The following OBSL1 variants were observed in gnomAD, a reference collection of about 807,000 sequenced individuals.
The protein encoded by OBSL1 is obscurin-like protein 1.
Under a neutral mutation model 172.0 loss-of-function variants are expected in OBSL1, and 160 were observed. That is an observed-to-expected ratio of 0.93 (90% CI 0.82 to 1.06). The LOEUF (loss-of-function observed/expected upper bound fraction) is 1.06, where lower values mean the gene tolerates loss of function less well. Among genes scored for constraint, OBSL1 ranks in the 50% least tolerant of loss-of-function variants. OBSL1 has a pLI of 0.00. For missense variants in OBSL1, 2,681 were observed against 2,715.4 expected (o/e 0.99, Z 0.28); for synonymous variants, 1,200 against 1,196.3 (o/e 1.00, Z -0.06).
intron 1 of OBSL1, chr2:219,569,410 T>C (rs372700297): frequency 6.6e-6 from 1 of 152,264 alleles, no homozygotes; most frequent in African/African-American, 2.4e-5. Context: ...TCTTTTGCGT[T>C]GTGATGAAAT....
At chr2:219,562,363 C>A in intron 8 of OBSL1, 39 bp downstream of exon 8, 1 of 1,600,604 alleles carries the variant, frequency 6.2e-7, no homozygotes, top group Non-Finnish European at 8.5e-7. Flanking sequence ...GGGCTCAGGG[C>A]TGTCTCTGTG....
Position 219,570,999 on chromosome 2 carries a change from G to T in OBSL1, c.234C>A (p.Asp78Glu), listed in dbSNP as rs1208983137. The part of the protein sequence containing the change: ...GLLLTAALPT[D>E]AGVYVCRARN... ...GGGCGCGGCACACGTAGACCCCCGC[G>T]TCGGTGGGCAGTGCGGCGGTCAGCA... is the stretch of plus-strand genomic sequence containing the variant. The change falls in exon 1 of 21, where the codon GAC (aspartate) becomes GAA (glutamate). Residue 78 changes from aspartate (D) to glutamate (E), a missense_variant. By Grantham distance (45) the Asp-to-Glu change is conservative (BLOSUM62 2). Around this residue, in one of 5 missense-constraint regions of OBSL1, gnomAD observed 67 missense variants for 109.3 expected, o/e 0.61. Transcript: ENST00000404537. 2 of 1,407,118 alleles carry T rather than the reference G, an allele frequency of 1.4e-6. No individual in the cohort carries two copies. The highest frequency in any genetic ancestry group is 1.5e-5 in the South Asian group (1 of 67,448). 87.2% of individuals were successfully genotyped at this position (1,407,118 alleles called of 1,614,324 possible).
Position 219,552,554 on chromosome 2 carries a change from C to G in OBSL1, c.5290G>C (p.Val1764Leu). The G allele has an allele frequency of 6.3e-7, 1 of 1,596,336 alleles. No individual in the cohort carries two copies. The highest frequency in any genetic ancestry group is 8.5e-7 in the Non-Finnish European group (1 of 1,177,628). The change falls in exon 18 of 21, where the codon GTC becomes CTC. Residue 1764 changes from valine to leucine, a missense_variant. Physicochemically the swap from Val to Leu is conservative, Grantham distance 32. This residue lies in a region of OBSL1 where 1,765 missense variants were observed against 1,748.3 expected (regional missense o/e 1.01). Coordinates refer to ENST00000404537, the MANE Select transcript of OBSL1 (RefSeq NM_015311.3). The part of the protein sequence containing the change: ...GGRPLRPGAR[V>L]RIRQEGKKHI... ...GGCAGACCTTCCTGTCGGATGCGGACGCGGGCTCCGGGTCTCAGCGGGCGG... is the reference window on the plus strand; with the variant it reads ...GGCAGACCTTCCTGTCGGATGCGGAGGCGGGCTCCGGGTCTCAGCGGGCGG...
chr2:219,556,883 C>T, intron 12 of OBSL1, 160 bp from the exon 13 acceptor site: 2 of 754,678 alleles, frequency 2.7e-6, no homozygotes, highest in Non-Finnish European at 4.2e-6. Flanking sequence ...GGACAAGATG[C>T]CAGCTCCCTG....
chr2:219,552,702 G>C lies in OBSL1; in HGVS notation c.5147-5C>G. On this transcript the variant is annotated splice_region_variant and splice_polypyrimidine_tract_variant and intron_variant, in intron 17 of 20. Transcript: ENST00000404537. The stretch of plus-strand genomic sequence containing the variant: ...AGAGTACCGCCACAGTACGCTCTGG[G>C]GCGGAGCCCGGGGCGTGAGCGGGGC... The C allele has an allele frequency of 6.6e-7, 1 of 1,520,836 alleles. No individual in the cohort carries two copies. The highest frequency in any genetic ancestry group is 8.8e-7 in the Non-Finnish European group (1 of 1,133,608). The allele number at this position is 1,520,836 out of a possible 1,614,324, so 94.2% of individuals were successfully genotyped here.
intron 5 of OBSL1, 138 bp from the exon 6 acceptor site, chr2:219,565,652 T>G (rs1475020724): frequency 6.3e-6 from 5 of 793,676 alleles, no homozygotes; most frequent in Non-Finnish European, 9.8e-6. Context: ...TTAAGAGCAG[T>G]GCTTTGGCTG....
Position 219,567,870 on chromosome 2 carries a change from C to T in OBSL1, c.1382G>A (p.Trp461Ter). Residue 461 changes from tryptophan to a stop codon, truncating the protein, a stop_gained, in exon 3 of 21, where the codon TGG becomes TAG. Transcript: ENST00000404537. LOFTEE classifies it high-confidence loss of function. ...ETLEAGVEGR[W>*]SRDGEELPVI... is the part of the protein sequence containing the mutation. ...CGGCAGCTCCTCCCCATCACGGCTC[C>T]AGCGTCCCTCGACCCCGGCCTCTAG... The T allele has an allele frequency of 6.2e-7, 1 of 1,613,960 alleles. No homozygotes were observed. The highest frequency in any genetic ancestry group is 2.2e-5 in the East Asian group (1 of 44,890).
At chr2:219,547,493 T>C (rs370911258), downstream of OBSL1, 21 of 1,416,552 alleles carry the variant, frequency 1.5e-5, no homozygotes, top group African/African-American at 1.9e-4. Context: ...CACTAGCCCC[T>C]GTTCCCCTCC....
rs1559156464 is a variant in OBSL1 at position 219,568,344 on chromosome 2, A to AT, written c.1013-21_1013-20insA. ...GGGGCTCTGTGGAGAGGGGAGAGAG[A>AT]GACAAGAGAGGGCTCTGGAGAAGGC... On this transcript the variant is annotated intron_variant, in intron 1 of 20. Coordinates refer to ENST00000404537, the MANE Select transcript of OBSL1 (RefSeq NM_015311.3). This position sits in a 1 kb window ranked among gnomAD's most constrained non-coding sequence, Gnocchi z 4.1. 1 of 1,586,906 alleles carries AT rather than the reference A, an allele frequency of 6.3e-7. No homozygotes were observed. Among genetic ancestry groups the AT allele is most frequent in the South Asian group, 1.1e-5 (1 of 88,290 alleles).
At position 219,558,283 on chromosome 2, in the gene OBSL1, TG is replaced by T. The variant is rs1449351602; in HGVS notation, c.3402del (p.Thr1135ProfsTer4). The part of the protein sequence containing the change: ...SDALQLGAEG[P>X]TRTLTLPHAQ... ...GCGTGGGGCAGGGTCAGGGTGCGGGTGGGCCCCTCGGCACCCAGCTGCAGGG... is the reference window on the plus strand; with the variant it reads ...GCGTGGGGCAGGGTCAGGGTGCGGGTGGCCCCTCGGCACCCAGCTGCAGGG... On this transcript the variant is annotated frameshift_variant, in exon 10 of 21. Transcript: ENST00000404537. LOFTEE classifies it high-confidence loss of function. 13 of 1,611,440 alleles carry T rather than the reference TG, an allele frequency of 8.1e-6. No individual in the cohort carries two copies.
chr2:219,551,406 C>CTCCT, intron 20 of OBSL1, 123 bp downstream of exon 20: 6 of 1,374,120 alleles, frequency 4.4e-6, no homozygotes, highest in Non-Finnish European at 5.8e-6. Context: ...CCATCCCCAC[C>CTCCT]TCCTACGTAT....
In OBSL1 at chr2:219,554,626, C is replaced by G. The variant is rs756020632; in HGVS notation, c.4724G>C (p.Gly1575Ala). The change falls in exon 15 of 21, where the codon GGT becomes GCT. Residue 1575 changes from glycine to alanine, a missense_variant. Coordinates refer to ENST00000404537, the MANE Select transcript of OBSL1 (RefSeq NM_015311.3). ...GGGTCCTGGATACAGCTGTACTCCA[C>G]CCCGGGCCCACTCCCCGGTCACACC... is the stretch of plus-strand genomic sequence containing the variant. ...QEGVTGEWAR[G>A]GVQLYPGPKC... The G allele has an allele frequency of 6.2e-7, 1 of 1,611,768 alleles. No homozygotes were observed. The highest frequency in any genetic ancestry group is 8.5e-7 in the Non-Finnish European group (1 of 1,178,940).
intron 12 of OBSL1, 167 bp from the exon 13 acceptor site, chr2:219,556,890 C>T: frequency 1.4e-6 from 1 of 702,808 alleles, no homozygotes. Context: ...ATGCCAGCTC[C>T]CTGCCACTCC....
rs756996265 is a variant in OBSL1 at position 219,568,142 on chromosome 2, T to C, written c.1195A>G (p.Ile399Val). ...IEEGTVRRLIIHRLKADDDGI... is the reference protein window; with the variant it reads ...IEEGTVRRLIVHRLKADDDGI... ...TCATCGTCTGCCTTCAGCCTGTGGA[T>C]GATGAGGCGCCGGACAGTGCCCTCT... Residue 399 changes from isoleucine to valine, a missense_variant, in exon 2 of 21, where the codon ATC becomes GTC. Physicochemically the swap from Ile to Val is conservative, Grantham distance 29. Around this residue, in one of 5 missense-constraint regions of OBSL1, gnomAD observed 706 missense variants for 695.8 expected, o/e 1.01. Coordinates refer to ENST00000404537, the MANE Select transcript of OBSL1 (RefSeq NM_015311.3). The surrounding 1 kb of genome is among the most constrained non-coding windows in gnomAD (Gnocchi z 4.1). The C allele has an allele frequency of 6.2e-5, 100 of 1,613,724 alleles. 2 individuals carry two copies. In the East Asian group the frequency reaches 2.2e-3, roughly 36 times the overall value.
In OBSL1 at chr2:219,570,692, G is replaced by C; in HGVS notation, c.541C>G (p.Pro181Ala). Reference sequence around the variant, plus strand: ...CCGGGGCCGTCCTCGGCGCGGCCCGGCTGGAGCGCGAAGTGGCTGCTGTCC... The same window carrying C: ...CCGGGGCCGTCCTCGGCGCGGCCCGCCTGGAGCGCGAAGTGGCTGCTGTCC... ...VWDSSHFALQ[P>A]GRAEDGPGAS... The change falls in exon 1 of 21, where the codon CCG (proline) becomes GCG (alanine). Residue 181 changes from proline to alanine, a missense_variant. This residue lies in a region of OBSL1 where 706 missense variants were observed against 695.8 expected (regional missense o/e 1.01). Coordinates refer to ENST00000404537, the MANE Select transcript of OBSL1 (RefSeq NM_015311.3). 6.6e-7 allele frequency: 1 copy of C among 1,509,398 alleles called. No individual in the cohort carries two copies. The highest frequency in any genetic ancestry group is 8.8e-7 in the Non-Finnish European group (1 of 1,135,294). 93.5% of individuals were successfully genotyped at this position (1,509,398 alleles called of 1,614,324 possible). A position where few individuals can be genotyped will look rare whatever the true frequency, so the allele number is the denominator to read the frequency against.
chr2:219,570,037 C>G (rs1697218430), intron 1 of OBSL1, among the ~76,000 whole-genome samples, 184 bp downstream of exon 1: 1 of 152,218 alleles, frequency 6.6e-6, no homozygotes. Context: ...TCCTGAGTAC[C>G]CTGGAGACCT....
At position 219,557,831 on chromosome 2, in the gene OBSL1, T is replaced by C; in HGVS notation, c.3782A>G (p.Gln1261Arg). ...PGAPSLSFTV[Q>R]VAEPPVRVVA... ...GCCCAGGCTGTACTCACCAGCCACC[T>C]GGACGGTGAAGCTGAGGCTTGGGGC... is the stretch of plus-strand genomic sequence containing the variant. The change falls in exon 11 of 21, where the codon CAG becomes CGG. Residue 1261 changes from glutamine to arginine, a missense_variant. Gln to Arg is a conservative substitution (Grantham distance 43). Transcript: ENST00000404537. 1 of 1,597,834 alleles carries C rather than the reference T, an allele frequency of 6.3e-7. No individual in the cohort carries two copies. The highest frequency in any genetic ancestry group is 8.5e-7 in the Non-Finnish European group (1 of 1,179,038).
At chr2:219,565,874 C>A (rs760159984) in intron 5 of OBSL1, among the ~76,000 whole-genome samples, 7 of 152,148 alleles carry the variant, frequency 4.6e-5, no homozygotes, top group Non-Finnish European at 7.3e-5. Flanking sequence ...ACCCCAAGAC[C>A]CCGTGCATGG....
downstream of OBSL1, among the ~76,000 whole-genome samples, chr2:219,548,903 T>A (rs1036110567): frequency 6.6e-6 from 1 of 151,698 alleles, no homozygotes; most frequent in East Asian, 1.9e-4. Flanking sequence ...GGGAGAGGGA[T>A]GACAGCCTGG....
Sources: allele counts gnomAD v4.1 joint callset (sites outside exome capture counted in the v4.1 genomes callset), GRCh38; gene constraint gnomAD v4.1.1; regional missense constraint gnomAD v4.1.1; non-coding constraint Gnocchi (gnomAD v3.1); transcripts MANE v1.5; gene names NCBI Gene and HGNC (gene_info 2026-07-23, HGNC 2026-07-21).